CPVL: variants seen among roughly 807,000 people sequenced by gnomAD.
CPVL encodes probable serine carboxypeptidase CPVL.
A neutral mutation model predicts 63.7 loss-of-function variants in CPVL; 51 were observed. That is an observed-to-expected ratio of 0.80 (90% CI 0.64 to 1.01). The LOEUF (loss-of-function observed/expected upper bound fraction) is 1.01. CPVL is among the 50% of genes least tolerant of loss of function. CPVL has a pLI of 0.00. For missense variants in CPVL, 530 were observed against 573.1 expected (o/e 0.92, Z 0.77); for synonymous variants, 195 against 206.0 (o/e 0.95, Z 0.46).
chr7:29,156,439 A>G (rs1020676004), intron 5 of CPVL, among the ~76,000 whole-genome samples: 6 of 152,224 alleles, frequency 3.9e-5, no homozygotes, highest in Non-Finnish European at 5.9e-5. Flanking sequence ...CGAAAACTCC[A>G]TAAAGCTCTA....
At chr7:29,080,511 T>C (rs1305521069) in intron 7 of CPVL, among the ~76,000 whole-genome samples, 7 of 140,494 alleles carry the variant, frequency 5.0e-5, no homozygotes, top group Admixed American at 4.6e-4. Context: ...TGAGCTGAGA[T>C]GGCAATGCTG....
intron 3 of CPVL, chr7:29,184,629 T>G (rs1798484001): frequency 6.6e-6 from 1 of 152,186 alleles, no homozygotes; most frequent in East Asian, 1.9e-4. Context: ...GGGTCAGCCT[T>G]TCTGTTTTCT....
chr7:29,077,164 C>T (rs1483956785), intron 7 of CPVL, among the ~76,000 whole-genome samples: 1 of 152,198 alleles, frequency 6.6e-6, no homozygotes, highest in Non-Finnish European at 1.5e-5. Context: ...CAATCAGCTC[C>T]TCCAGAGGAA....
At chr7:29,131,655 G>A (rs1225071568) in intron 1 of CPVL, among the ~76,000 whole-genome samples, 4 of 152,128 alleles carry the variant, frequency 2.6e-5, no homozygotes, top group East Asian at 1.9e-4. Context: ...TGGGACCACC[G>A]GTGCATGCCA....
chr7:29,164,680 C>G (rs1230563564), intron 5 of CPVL, among the ~76,000 whole-genome samples: 1 of 148,722 alleles, frequency 6.7e-6, no homozygotes, highest in Non-Finnish European at 1.5e-5. Context: ...TCCCTGGTGG[C>G]TGAGGCAGGA....
chr7:29,088,617 G>A (rs553495957), intron 6 of CPVL, among the ~76,000 whole-genome samples: 26 of 152,276 alleles, frequency 1.7e-4, no homozygotes, highest in African/African-American at 6.3e-4. Context: ...TACATGGTGA[G>A]CATTTTCTAG....
Position 29,158,102 on chromosome 7 carries a change from A to G in CPVL, c.-11+23188T>C, listed in dbSNP as rs560918722. 2.2e-4 allele frequency among the ~76,000 whole-genome samples: 33 copies of G among 152,304 alleles called. 1 individual carries two copies. In the South Asian group the frequency reaches 6.2e-3, roughly 29 times the overall value. On this transcript the variant is annotated intron_variant, in intron 5 of 16. Coordinates refer to the CPVL transcript ENST00000409850. ...GAGCTCATCACTCCTCCAAATTCCC[A>G]TCTCCACTGAACACTGGTTAAGAAG...
At chr7:29,106,657 G>A (rs1265420191) in intron 3 of CPVL, among the ~76,000 whole-genome samples, 2 of 152,044 alleles carry the variant, frequency 1.3e-5, no homozygotes, top group African/African-American at 4.8e-5. Flanking sequence ...GAAGAGGGTA[G>A]AATTGGAGCT....
rs190907297 is a variant in CPVL at position 29,009,224 on chromosome 7, T to C, written c.1321-13342A>G. The C allele has an allele frequency of 2.2e-3, 321 of 143,188 alleles. 2 individuals carry two copies. The highest frequency in any genetic ancestry group is 7.7e-3 in the African/African-American group (297 of 38,696). The allele number at this position is 143,188 out of a possible 1,614,324, so 8.9% of individuals were successfully genotyped here. A position where few individuals can be genotyped will look rare whatever the true frequency, so the allele number is the denominator to read the frequency against. ...AAAAAAAAAAGACAGGAGACAGCTA[T>C]GGAAAGAGAATACAAACCATGACTT... On this transcript the variant is annotated intron_variant, in intron 12 of 12. Coordinates refer to ENST00000265394, the MANE Select transcript of CPVL (RefSeq NM_031311.5).
At chr7:29,044,534 C>T (rs1475676252) in intron 11 of CPVL, among the ~76,000 whole-genome samples, 1 of 152,162 alleles carries the variant, frequency 6.6e-6, no homozygotes, top group Non-Finnish European at 1.5e-5. Flanking sequence ...TGGGCACACA[C>T]TGCTTTGGAT....
downstream of CPVL, among the ~76,000 whole-genome samples, chr7:28,994,714 G>C (rs777632642): frequency 2.0e-5 from 3 of 152,178 alleles, no homozygotes; most frequent in Non-Finnish European, 2.9e-5. Context: ...TCACAAACCT[G>C]AACGTAATCA....
At chr7:29,177,606 TTCTC>T (rs910747978) in intron 5 of CPVL, among the ~76,000 whole-genome samples, 3 of 151,820 alleles carry the variant, frequency 2.0e-5, no homozygotes, top group South Asian at 2.1e-4. Flanking sequence ...CCCTCATTTT[TTCTC>T]TCTCTCTTTT....
At chr7:29,065,083 G>A (rs1262682634) in intron 10 of CPVL, among the ~76,000 whole-genome samples, 2 of 150,942 alleles carry the variant, frequency 1.3e-5, no homozygotes, top group Non-Finnish European at 2.9e-5. Flanking sequence ...TAAAGTCTCT[G>A]TAATAATCAT....
intron 3 of CPVL, among the ~76,000 whole-genome samples, chr7:29,111,783 A>G (rs1335985150): frequency 6.6e-6 from 1 of 152,252 alleles, no homozygotes; most frequent in African/African-American, 2.4e-5. Context: ...CCCTGGACCA[A>G]GCAATTTACT....
intron 3 of CPVL, among the ~76,000 whole-genome samples, chr7:29,105,123 T>C (rs1300420553): frequency 6.6e-6 from 1 of 152,184 alleles, no homozygotes; most frequent in Non-Finnish European, 1.5e-5. Flanking sequence ...TATCCACCTG[T>C]GTTAGATACA....
intron 7 of CPVL, among the ~76,000 whole-genome samples, chr7:29,076,265 A>T (rs1004711193): frequency 2.0e-5 from 3 of 152,250 alleles, no homozygotes; most frequent in African/African-American, 7.2e-5. Flanking sequence ...GAAAACAGCA[A>T]CAACAACCAG....
At chr7:29,094,297 T>C (rs1352839641) in intron 5 of CPVL, among the ~76,000 whole-genome samples, 2 of 151,542 alleles carry the variant, frequency 1.3e-5, no homozygotes, top group Non-Finnish European at 2.9e-5. Context: ...GCTGAGATGG[T>C]GCAACTGCAC....
intron 1 of CPVL, among the ~76,000 whole-genome samples, chr7:29,143,851 T>C (rs10486606): frequency 0.21 from 32,703 of 152,152 alleles, 3,677 homozygotes; most frequent in East Asian, 0.3. Context: ...GGGTCTGAGT[T>C]AAAGCAATGA....
chr7:29,120,204 C>T (rs1229701837), intron 2 of CPVL, among the ~76,000 whole-genome samples: 1 of 152,048 alleles, frequency 6.6e-6, no homozygotes, highest in African/African-American at 2.4e-5. Context: ...GGTGGATCAC[C>T]AAAGGTTAGG....
Sources: gnomAD v4.1 joint callset for allele counts (sites outside exome capture counted in the v4.1 genomes callset) on GRCh38, gnomAD v4.1.1 for gene constraint, MANE v1.5 for transcripts, NCBI Gene and HGNC (gene_info 2026-07-23, HGNC 2026-07-21) for gene names.